Variants in PRH1 observed in about 807,000 individuals in gnomAD.
PRH1 encodes proline rich protein HaeIII subfamily 1.
PRH1 carries 7 observed loss-of-function variants against 7.9 expected under a neutral mutation model. The ratio of observed to expected loss-of-function variants is 0.89; its 90% CI spans 0.50 to 1.67. The LOEUF (loss-of-function observed/expected upper bound fraction) is 1.67. PRH1 is among the 40% of genes most tolerant of loss of function. The pLI is 0.00. For synonymous variants in PRH1, 45 were observed against 80.8 expected (o/e 0.56, Z 2.38); for missense variants, 109 against 223.6 (o/e 0.49, Z 3.27).
chr12:10,890,581 G>A (rs1044499185), intron 2 of PRH1, among the ~76,000 whole-genome samples: 8 of 152,084 alleles, frequency 5.3e-5, no homozygotes, highest in Non-Finnish European at 8.8e-5. Context: ...TATAAAGAAC[G>A]ACTGTAGGCC....
At chr12:10,996,777 A>T (rs1472427230) in intron 1 of PRH1, 1 of 404,284 alleles carries the variant, frequency 2.5e-6, no homozygotes, top group Non-Finnish European at 4.3e-6. Context: ...AATGTATATT[A>T]TATATATATA....
intron 1 of PRH1, among the ~76,000 whole-genome samples, chr12:11,122,344 T>C (rs1278840612): frequency 1.3e-5 from 2 of 152,200 alleles, no homozygotes; most frequent in Non-Finnish European, 1.5e-5. Context: ...CCATCTCCAA[T>C]CACCACAGCC....
intron 1 of PRH1, among the ~76,000 whole-genome samples, chr12:10,984,634 AAC>A (rs1275840170): frequency 2.6e-5 from 4 of 152,206 alleles, no homozygotes; most frequent in African/African-American, 9.6e-5. Flanking sequence ...ATATATGATA[AAC>A]AAACAAATAA....
At chr12:10,988,533 G>C (rs1167975517) in intron 1 of PRH1, among the ~76,000 whole-genome samples, 3 of 152,024 alleles carry the variant, frequency 2.0e-5, no homozygotes, top group African/African-American at 7.3e-5. Flanking sequence ...TTTTTTGCAA[G>C]GTATACAATG....
intron 1 of PRH1, among the ~76,000 whole-genome samples, chr12:11,152,014 T>G (rs1193355082): frequency 6.6e-6 from 1 of 151,920 alleles, no homozygotes; most frequent in Non-Finnish European, 1.5e-5. Flanking sequence ...ATTTTTACAG[T>G]CGGGTGTTTA....
At chr12:11,086,050 T>C (rs796377322) in intron 1 of PRH1, among the ~76,000 whole-genome samples, 32,992 of 88,014 alleles carry the variant, frequency 0.37, 6,964 homozygotes, top group Non-Finnish European at 0.48. Context: ...TGGTTGCTGT[T>C]AACTAATAGT....
intron 2 of PRH1, chr12:10,908,321 A>G: frequency 7.0e-7 from 1 of 1,435,928 alleles, no homozygotes; most frequent in Non-Finnish European, 9.5e-7. Context: ...CTCCTTGTAG[A>G]CTCCTGTTTC....
chr12:10,930,233 A>C (rs779918786), intron 2 of PRH1: 9 of 1,606,404 alleles, frequency 5.6e-6, no homozygotes, highest in Admixed American at 5.0e-5. Flanking sequence ...TGATTCATGC[A>C]GTAACTTTTC....
At chr12:11,061,659 A>C (rs1264461246) in intron 1 of PRH1, 1 of 1,614,140 alleles carries the variant, frequency 6.2e-7, no homozygotes, top group East Asian at 2.2e-5. Flanking sequence ...ATCCTTTGCC[A>C]TGGAGCTGCA....
chr12:11,099,971 T>A (rs907125921), intron 1 of PRH1, among the ~76,000 whole-genome samples: 1 of 152,166 alleles, frequency 6.6e-6, no homozygotes, highest in Non-Finnish European at 1.5e-5. Context: ...GCAGATAACA[T>A]CATCTCAAAT....
chr12:11,084,489 T>A (rs1944617553), intron 1 of PRH1, among the ~76,000 whole-genome samples: 1 of 142,306 alleles, frequency 7.0e-6, no homozygotes, highest in South Asian at 2.1e-4. Context: ...TCAGATGTGA[T>A]CCATCATCTT....
At chr12:10,902,369 T>C (rs1949735768) in intron 2 of PRH1, among the ~76,000 whole-genome samples, 3 of 152,120 alleles carry the variant, frequency 2.0e-5, no homozygotes, top group African/African-American at 7.2e-5. Flanking sequence ...TATGGGATTA[T>C]GTGAAGCAAC....
At chr12:10,984,459 G>A (rs984244636) in intron 1 of PRH1, among the ~76,000 whole-genome samples, 1 of 151,608 alleles carries the variant, frequency 6.6e-6, no homozygotes, top group African/African-American at 2.4e-5. Context: ...TCATTGGTTT[G>A]CCACTCCCAT....
intron 1 of PRH1, among the ~76,000 whole-genome samples, chr12:11,110,626 C>A (rs1304003841): frequency 6.6e-6 from 1 of 152,146 alleles, no homozygotes; most frequent in African/African-American, 2.4e-5. Context: ...TACCACCAGG[C>A]CTGCCTCACA....
chr12:10,910,788 A>G (rs939333509), intron 2 of PRH1, among the ~76,000 whole-genome samples: 1 of 152,218 alleles, frequency 6.6e-6, no homozygotes, highest in African/African-American at 2.4e-5. Flanking sequence ...ATAAGTAGCC[A>G]TTTAGCTAGA....
At chr12:10,997,662 T>G in intron 1 of PRH1, 1 of 1,613,682 alleles carries the variant, frequency 6.2e-7, no homozygotes, top group Non-Finnish European at 8.5e-7. Context: ...GAAGTTGGAT[T>G]CAACACAGTT....
At chr12:10,901,616 C>T (rs1949724784) in intron 2 of PRH1, among the ~76,000 whole-genome samples, 1 of 152,142 alleles carries the variant, frequency 6.6e-6, no homozygotes, top group South Asian at 2.1e-4. Flanking sequence ...TTCCAGTAAA[C>T]AAGGATCAAA....
intron 2 of PRH1, among the ~76,000 whole-genome samples, chr12:10,925,130 A>G (rs1950106666): frequency 6.6e-6 from 1 of 152,144 alleles, no homozygotes; most frequent in South Asian, 2.1e-4. Flanking sequence ...TCCCCTCTCC[A>G]CTGCAGAGAG....
intron 1 of PRH1, among the ~76,000 whole-genome samples, chr12:11,063,157 T>G (rs1943683638): frequency 1.3e-5 from 2 of 152,118 alleles, no homozygotes; most frequent in Non-Finnish European, 2.9e-5. Flanking sequence ...GTTTAAATAT[T>G]TATTACTATA....
Sources: allele counts gnomAD v4.1 joint callset (sites outside exome capture counted in the v4.1 genomes callset), GRCh38; gene constraint gnomAD v4.1.1; transcripts MANE v1.5; gene names NCBI Gene and HGNC (gene_info 2026-07-23, HGNC 2026-07-21).